MGAT5: variants seen among roughly 807,000 people sequenced by gnomAD.
MGAT5 encodes the protein alpha-1,6-mannosylglycoprotein 6-beta-N-acetylglucosaminyltransferase.
Under a neutral mutation model 94.3 loss-of-function variants are expected in MGAT5, and 30 were observed. The ratio of observed to expected loss-of-function variants is 0.32; its 90% CI spans 0.24 to 0.43. MGAT5 has a LOEUF of 0.43. MGAT5 is among the 20% of genes least tolerant of loss of function. The pLI, the probability that MGAT5 is intolerant of heterozygous loss-of-function variation, is 1.00. For synonymous variants in MGAT5, 310 were observed against 322.9 expected, an observed-to-expected ratio of 0.96 and a Z score of 0.43; for missense variants, 691 against 905.5, an observed-to-expected ratio of 0.76 and a Z score of 3.04.
intron 1 of MGAT5, among the ~76,000 whole-genome samples, chr2:134,200,300 T>C (rs4953907): frequency 0.097 from 14,821 of 152,138 alleles, 792 homozygotes; most frequent in Admixed American, 0.13. Flanking sequence ...GGGAATATAG[T>C]CTCTAGCCTG....
chr2:134,347,256 G>T (rs1238099756), intron 8 of MGAT5, among the ~76,000 whole-genome samples: 1 of 152,120 alleles, frequency 6.6e-6, no homozygotes, highest in Non-Finnish European at 1.5e-5. Flanking sequence ...AGATAAGCTA[G>T]AAAAGCAATT....
chr2:134,150,294 C>A (rs1332570927), intron 1 of MGAT5, among the ~76,000 whole-genome samples: 1 of 152,164 alleles, frequency 6.6e-6, no homozygotes, highest in African/African-American at 2.4e-5. Context: ...AAAAAGCAAA[C>A]CCTCTGGATC....
intron 10 of MGAT5, among the ~76,000 whole-genome samples, chr2:134,382,284 CCAGCT>C (rs1681679122): frequency 6.6e-6 from 1 of 151,896 alleles, no homozygotes; most frequent in Non-Finnish European, 1.5e-5. Context: ...GTGCCCAGGC[CCAGCT>C]CCAGATCAGT....
At chr2:134,261,563 C>T (rs939136619) in intron 1 of MGAT5, among the ~76,000 whole-genome samples, 7 of 152,146 alleles carry the variant, frequency 4.6e-5, no homozygotes, top group African/African-American at 1.2e-4. Flanking sequence ...CACAGCCATG[C>T]GCATTCCATT....
chr2:134,254,758 A>C lies in MGAT5; in HGVS notation c.241+114A>C. The C allele has an allele frequency of 2.2e-6, 3 of 1,389,706 alleles. No individual in the cohort carries two copies. In the South Asian group the frequency reaches 4.1e-5, roughly 19 times the overall value. The allele number at this position is 1,389,706 out of a possible 1,614,324, so 86.1% of individuals were successfully genotyped here. On this transcript the variant is annotated intron_variant, in intron 1 of 15. Coordinates refer to ENST00000281923, the MANE Select transcript of MGAT5 (RefSeq NM_002410.5). ...CTGAATGTCCTTTGCCACTGCCTTC[A>C]TAAGCAGTGAATTGCACACAGAGAG...
At chr2:134,138,187 A>G (rs182520418) in intron 1 of MGAT5, among the ~76,000 whole-genome samples, 166 of 146,936 alleles carry the variant, frequency 1.1e-3, no homozygotes, top group African/African-American at 4.0e-3. Context: ...ACATAATTTT[A>G]TTAAGAAGCT....
chr2:134,155,896 G>A (rs926913739), intron 1 of MGAT5, among the ~76,000 whole-genome samples: 9 of 151,678 alleles, frequency 5.9e-5, no homozygotes, highest in Admixed American at 1.3e-4. Context: ...CTTTCCTTCC[G>A]CAGGGAGGCC....
intron 1 of MGAT5, among the ~76,000 whole-genome samples, chr2:134,142,976 C>T (rs1686731390): frequency 6.6e-6 from 1 of 151,590 alleles, no homozygotes; most frequent in African/African-American, 2.4e-5. Flanking sequence ...AGAGCCTGTT[C>T]CGAGATTTTA....
At position 134,403,157 on chromosome 2, in the gene MGAT5, G is replaced by A. The variant is rs1470071653; in HGVS notation, c.1530+20G>A. The stretch of plus-strand genomic sequence containing the variant: ...ACCAAGGTAAAAATTCACCACGGAT[G>A]TGGTGTTCAGGTTATTGCCATTGGC... On this transcript the variant is annotated intron_variant, in intron 11 of 15. Transcript: ENST00000281923. The A allele has an allele frequency of 2.5e-6, 4 of 1,595,928 alleles. No homozygotes were observed. The highest frequency in any genetic ancestry group is 2.7e-5 in the African/African-American group (2 of 73,752).
At chr2:134,388,792 C>T (rs757661060) in intron 10 of MGAT5, among the ~76,000 whole-genome samples, 5 of 151,916 alleles carry the variant, frequency 3.3e-5, no homozygotes, top group Admixed American at 1.3e-4. Flanking sequence ...GTCGGAGTCT[C>T]GCTCTGTTGC....
rs576407178 is a variant in MGAT5, at chr2:134,328,986, T to C, written c.574-7231T>C. Among the ~76,000 whole-genome samples the C allele has an allele frequency of 2.6e-5, 4 of 152,146 alleles. No homozygotes were observed. The South Asian group carries it at 8.3e-4, about 32-fold the overall frequency. On this transcript the variant is annotated intron_variant, in intron 4 of 15. Coordinates refer to ENST00000281923, the MANE Select transcript of MGAT5 (RefSeq NM_002410.5). ...CTGTAGGGTTACCAGATAAAATACA[T>C]TACAGCCAATGAAGTTTGAATTTCA...
intron 10 of MGAT5, among the ~76,000 whole-genome samples, chr2:134,377,644 G>A (rs1365450372): frequency 1.3e-5 from 2 of 152,198 alleles, no homozygotes; most frequent in Non-Finnish European, 2.9e-5. Context: ...CATGGACAAA[G>A]GCAATGTAGG....
chr2:134,270,334 C>G, intron 1 of MGAT5, 52 bp from the exon 2 acceptor site: 1 of 1,534,262 alleles, frequency 6.5e-7, no homozygotes, highest in Non-Finnish European at 8.9e-7. Context: ...GCAAGCCAGA[C>G]AGATATGTAG....
intron 1 of MGAT5, among the ~76,000 whole-genome samples, chr2:134,233,248 A>G (rs767100444): frequency 7.9e-5 from 12 of 152,316 alleles, no homozygotes; most frequent in Admixed American, 2.0e-4. Context: ...GCTCTATGCA[A>G]TGAATCACAG....
intron 1 of MGAT5, among the ~76,000 whole-genome samples, chr2:134,204,990 T>C (rs1679960645): frequency 6.6e-6 from 1 of 152,058 alleles, no homozygotes; most frequent in Non-Finnish European, 1.5e-5. Context: ...AGGATGATAA[T>C]ACATAGACCT....
chr2:134,318,703 T>C lies in MGAT5; in HGVS notation c.537T>C (p.Asp179=). ...CCTGCTACGCAGACTATGGAGTGGATGGATCCACCTGCTCTTTTTTTATTT... is the reference window on the plus strand; with the variant it reads ...CCTGCTACGCAGACTATGGAGTGGACGGATCCACCTGCTCTTTTTTTATTT... ...SDPCYADYGV[D]GSTCSFFIYL... The change falls in exon 4 of 16, where the codon GAT becomes GAC. Residue 179 remains aspartate, a synonymous_variant. Coordinates refer to ENST00000281923, the MANE Select transcript of MGAT5 (RefSeq NM_002410.5). 1 of 1,613,586 alleles carries C rather than the reference T, an allele frequency of 6.2e-7. No individual in the cohort carries two copies. The highest frequency in any genetic ancestry group is 8.5e-7 in the Non-Finnish European group (1 of 1,179,582).
chr2:134,296,969 C>T (rs951371926), intron 2 of MGAT5, among the ~76,000 whole-genome samples: 2 of 151,862 alleles, frequency 1.3e-5, no homozygotes, highest in South Asian at 2.1e-4. Context: ...GAGGCAGAGG[C>T]GGGAGGAGTG....
At chr2:134,149,761 A>G (rs1687088900) in intron 1 of MGAT5, among the ~76,000 whole-genome samples, 1 of 152,152 alleles carries the variant, frequency 6.6e-6, no homozygotes, top group South Asian at 2.1e-4. Context: ...ATAATTATAG[A>G]GGTTGAGGGA....
At chr2:134,277,136 C>G (rs942984254) in intron 2 of MGAT5, among the ~76,000 whole-genome samples, 1 of 152,106 alleles carries the variant, frequency 6.6e-6, no homozygotes, top group Non-Finnish European at 1.5e-5. Context: ...CAGACTGGCT[C>G]GGTTCAAATA....
Sources: allele counts gnomAD v4.1 joint callset (sites outside exome capture counted in the v4.1 genomes callset), GRCh38; gene constraint gnomAD v4.1.1; transcripts MANE v1.5; gene names NCBI Gene and HGNC (gene_info 2026-07-23, HGNC 2026-07-21).